PADI1: variants seen among roughly 807,000 people sequenced by gnomAD.
PADI1 encodes the protein peptidyl arginine deiminase 1.
A neutral mutation model predicts 74.8 loss-of-function variants in PADI1; 65 were observed. That is an observed-to-expected ratio of 0.87 (90% confidence interval 0.71 to 1.07). PADI1 has a LOEUF of 1.07. Ranked by LOEUF, PADI1 falls within the 50% of genes least tolerant of loss-of-function variation. The probability of loss-of-function intolerance (pLI) is 0.00; values close to 1 mark genes in which losing one functional copy is unlikely to be tolerated. For missense variants in PADI1, 943 were observed against 854.0 expected (o/e 1.10, Z -1.30); for synonymous variants, 371 against 336.2 (o/e 1.10, Z -1.13).
chr1:17,244,241 T>C lies in PADI1; in HGVS notation c.1990T>C (p.Ter664ArgextTer13). ...CTTCAAATGGTGGAACATGGTGCCC[T>C]GAGCCTGCCCCCACCCGCCATCCTC... ...FPFKWWNMVP* is the reference protein window; with the variant it reads ...FPFKWWNMVPR The change falls in exon 16 of 16, where the codon TGA becomes CGA. Residue 664 changes from the stop codon to arginine, a stop_lost. Transcript: ENST00000375471. The C allele has an allele frequency of 6.2e-7, 1 of 1,611,832 alleles. No individual in the cohort carries two copies. The highest frequency in any genetic ancestry group is 2.2e-5 in the East Asian group (1 of 44,870).
chr1:17,224,340 T>G, intron 3 of PADI1, 27 bp from the exon 4 acceptor site: 5 of 1,607,536 alleles, frequency 3.1e-6, no homozygotes, highest in Non-Finnish European at 4.3e-6. Flanking sequence ...GATGAGCCCC[T>G]GGCAGCCCCT....
intron 2 of PADI1, 27 bp from the exon 3 acceptor site, chr1:17,223,594 G>A (rs376702213): frequency 5.2e-5 from 83 of 1,591,310 alleles, no homozygotes; most frequent in Middle Eastern, 1.7e-4. Context: ...GGTGATGGCC[G>A]TGCAGGCTTA....
intron 15 of PADI1, among the ~76,000 whole-genome samples, chr1:17,242,186 C>T (rs2072791437): frequency 6.6e-6 from 1 of 152,148 alleles, no homozygotes; most frequent in Non-Finnish European, 1.5e-5. Context: ...GGTCTCTACC[C>T]ACTAGATGCC....
rs537404639 is a variant in PADI1, at chr1:17,211,427, C to T, written c.92+6118C>T. On this transcript the variant is annotated intron_variant, in intron 1 of 15. Coordinates refer to ENST00000375471, the MANE Select transcript of PADI1 (RefSeq NM_013358.3). ...CCTGACCTCAGCCTCCCAAAGTGCT[C>T]GGATTACAGGCATGAGCCACCATGC... 1.1e-4 allele frequency among the ~76,000 whole-genome samples: 16 copies of T among 152,130 alleles called. No homozygotes were observed. In the South Asian group the frequency reaches 2.7e-3, roughly 26 times the overall value.
chr1:17,237,470 C>T lies in PADI1; in HGVS notation c.1458+12C>T. The T allele has an allele frequency of 1.9e-6, 3 of 1,598,834 alleles. No homozygotes were observed. The highest frequency in any genetic ancestry group is 2.6e-6 in the Non-Finnish European group (3 of 1,171,956). On this transcript the variant is annotated intron_variant, in intron 12 of 15. Transcript: ENST00000375471. ...CCTCTGACCAAAAGGTGCGTCCCCT[C>T]CTTCCCTGCCTGAGCCACCTCTGCC...
chr1:17,211,561 C>T (rs1402539361), intron 1 of PADI1, among the ~76,000 whole-genome samples: 3 of 152,194 alleles, frequency 2.0e-5, no homozygotes, highest in African/African-American at 4.8e-5. Context: ...CACGCGGAGA[C>T]ACAGAGAGGT....
At chr1:17,220,553 G>T (rs1359539588) in intron 1 of PADI1, among the ~76,000 whole-genome samples, 1 of 152,124 alleles carries the variant, frequency 6.6e-6, no homozygotes, top group Non-Finnish European at 1.5e-5. Flanking sequence ...ATGCAGCTGT[G>T]AGCAAAACAG....
Position 17,212,147 on chromosome 1 carries a change from C to A in PADI1, c.92+6838C>A, listed in dbSNP as rs181671561. 3.3e-3 allele frequency among the ~76,000 whole-genome samples: 497 copies of A among 152,342 alleles called. 2 individuals carry two copies. The highest frequency in any genetic ancestry group is 0.011 in the African/African-American group (475 of 41,588). ...TATCAGCCTCCAGGCAGATCCCTGG[C>A]TCCAGGCAGAATCACCCACGGAGCT... On this transcript the variant is annotated intron_variant, in intron 1 of 15. Transcript: ENST00000375471.
rs1412061411 is a variant in PADI1, at chr1:17,244,681, C to T, written c.*438C>T. 2.8e-6 allele frequency: 1 copy of T among 352,360 alleles called. No individual in the cohort carries two copies. The highest frequency in any genetic ancestry group is 5.6e-6 in the Non-Finnish European group (1 of 178,594). The allele number at this position is 352,360 out of a possible 1,614,324, so 21.8% of individuals were successfully genotyped here. On this transcript the variant is annotated 3_prime_UTR_variant, in exon 16 of 16. Transcript: ENST00000375471. Reference sequence around the variant, plus strand: ...TGTGCCAGGCACCAGGCTGCCTCTGCTCTTGGAAAACTAGGAAAGGGGATC... The same window carrying T: ...TGTGCCAGGCACCAGGCTGCCTCTGTTCTTGGAAAACTAGGAAAGGGGATC...
At chr1:17,232,764 C>G in intron 10 of PADI1, 55 bp from the exon 11 acceptor site, 1 of 1,546,586 alleles carries the variant, frequency 6.5e-7, no homozygotes, top group Non-Finnish European at 8.8e-7. Flanking sequence ...CTGCCTCGTC[C>G]TGTCCTCACT....
chr1:17,234,142 T>A (rs1375876874), intron 11 of PADI1, among the ~76,000 whole-genome samples: 1 of 152,200 alleles, frequency 6.6e-6, no homozygotes, highest in Non-Finnish European at 1.5e-5. Flanking sequence ...CTACATGATT[T>A]GGGATGAGTC....
rs554138011 is a variant in PADI1, at chr1:17,243,533, C to T, written c.1759-477C>T. Reference sequence around the variant, plus strand: ...GCACATAAAAGATGCTCAATAAATGCTAACAATGATCAGGGCTGCCAAAGA... The same window carrying T: ...GCACATAAAAGATGCTCAATAAATGTTAACAATGATCAGGGCTGCCAAAGA... On this transcript the variant is annotated intron_variant, in intron 15 of 15. Coordinates refer to ENST00000375471, the MANE Select transcript of PADI1 (RefSeq NM_013358.3). 1.8e-4 allele frequency among the ~76,000 whole-genome samples: 28 copies of T among 152,308 alleles called. 1 individual carries two copies. The highest frequency in any genetic ancestry group is 1.7e-3 in the Admixed American group (26 of 15,302).
At chr1:17,242,432 T>C (rs1222165369) in intron 15 of PADI1, among the ~76,000 whole-genome samples, 2 of 152,228 alleles carry the variant, frequency 1.3e-5, no homozygotes, top group African/African-American at 2.4e-5. Flanking sequence ...TTTAAACAAC[T>C]GCATGTGGCC....
chr1:17,236,610 C>T (rs779222521), intron 11 of PADI1, among the ~76,000 whole-genome samples: 2 of 152,094 alleles, frequency 1.3e-5, no homozygotes, highest in South Asian at 2.1e-4. Context: ...AAAAATTAGC[C>T]GTGCGTGGTG....
At chr1:17,214,215 C>T (rs139291497) in intron 1 of PADI1, among the ~76,000 whole-genome samples, 57 of 152,254 alleles carry the variant, frequency 3.7e-4, no homozygotes, top group East Asian at 2.7e-3. Flanking sequence ...CATTTTACAG[C>T]GGAGGAAAAT....
At chr1:17,222,500 T>G in intron 2 of PADI1, 30 bp downstream of exon 2, 2 of 1,548,296 alleles carry the variant, frequency 1.3e-6, no homozygotes, top group Non-Finnish European at 1.8e-6. Flanking sequence ...TAGAAAAGGG[T>G]TGGATCTCTC....
chr1:17,233,054 T>G, intron 11 of PADI1, 84 bp downstream of exon 11: 4 of 1,243,258 alleles, frequency 3.2e-6, no homozygotes, highest in Non-Finnish European at 4.3e-6. Context: ...ACAAACACAA[T>G]TCCCCAGTCT....
chr1:17,212,577 CCTA>C (rs2071862733), intron 1 of PADI1, among the ~76,000 whole-genome samples: 1 of 152,178 alleles, frequency 6.6e-6, no homozygotes, highest in Non-Finnish European at 1.5e-5. Context: ...GAGCTGTTGA[CCTA>C]AGATTTGGCC....
At position 17,240,743 on chromosome 1, in the gene PADI1, G is replaced by A. The variant is rs555336651; in HGVS notation, c.1741G>A (p.Ala581Thr). 19 of 1,614,000 alleles carry A rather than the reference G, an allele frequency of 1.2e-5. No individual in the cohort carries two copies. The highest frequency in any genetic ancestry group is 6.7e-5 in the Admixed American group (4 of 60,030). ...CTTCCTGAAAAACTTCTACGCGGAAGCCTTCTTCCCAGACATGGTGAGAGC... is the reference window on the plus strand; with the variant it reads ...CTTCCTGAAAAACTTCTACGCGGAAACCTTCTTCCCAGACATGGTGAGAGC... ...LFFLKNFYAE[A>T]FFPDMVNMVV... Residue 581 changes from alanine (A) to threonine (T), a missense_variant, in exon 15 of 16, where the codon GCC (alanine) becomes ACC (threonine). Physicochemically the swap from Ala to Thr is moderately conservative, Grantham distance 58. Transcript: ENST00000375471.
Sources: allele counts gnomAD v4.1 joint callset (sites outside exome capture counted in the v4.1 genomes callset), GRCh38; gene constraint gnomAD v4.1.1; transcripts MANE v1.5; gene names NCBI Gene and HGNC (gene_info 2026-07-23, HGNC 2026-07-21).